The following ATAD2B variants were observed in gnomAD, a reference collection of about 807,000 sequenced individuals.
The protein encoded by ATAD2B is ATPase family AAA domain containing 2B.
ATAD2B carries 40 observed loss-of-function variants against 167.6 expected under a neutral mutation model. The observed-to-expected ratio is 0.24, with a 90% CI of 0.19 to 0.31. ATAD2B has a LOEUF of 0.31. Among genes scored for constraint, ATAD2B ranks in the 10% least tolerant of loss-of-function variants. ATAD2B has a pLI of 1.00. For synonymous variants in ATAD2B, 579 were observed against 596.5 expected, an observed-to-expected ratio of 0.97 and a Z score of 0.43; for missense variants, 1,242 against 1,757.2, an observed-to-expected ratio of 0.71 and a Z score of 5.24.
the ATAD2B span, among the ~76,000 whole-genome samples, chr2:23,679,759 C>CCT: frequency 6.6e-6 from 1 of 152,162 alleles, no homozygotes; most frequent in Non-Finnish European, 1.5e-5. Flanking sequence ...GTTCTGCCAG[C>CCT]CTCCGGAGGA....
the ATAD2B span, among the ~76,000 whole-genome samples, chr2:23,706,080 TTC>T: frequency 6.0e-3 from 920 of 152,308 alleles, 6 homozygotes; most frequent in African/African-American, 0.021. Flanking sequence ...CTCCTTATTA[TTC>T]TCTCTCGTCA....
rs767030072 is a variant in ATAD2B, at chr2:23,765,621, T to A, written c.3141A>T (p.Ile1047=). ...TCAGGGTACAAGCCCTGTGCCTAATTATTTTATCTGTTAAAAAAGTTGGTA... is the reference window on the plus strand; with the variant it reads ...TCAGGGTACAAGCCCTGTGCCTAATAATTTTATCTGTTAAAAAAGTTGGTA... ...YNPDKDPGDK[I]IRHRACTLKD... The change falls in exon 23 of 28, where the codon ATA becomes ATT. Residue 1047 remains isoleucine, a synonymous_variant. Transcript: ENST00000238789. 7.1e-7 allele frequency: 1 copy of A among 1,403,484 alleles called. No homozygotes were observed. The highest frequency in any genetic ancestry group is 2.7e-5 in the Admixed American group (1 of 36,590). The allele number at this position is 1,403,484 out of a possible 1,614,324, so 86.9% of individuals were successfully genotyped here. A position where few individuals can be genotyped will look rare whatever the true frequency, so the allele number is the denominator to read the frequency against.
chr2:23,877,968 C>G (rs1410879543), intron 7 of ATAD2B, among the ~76,000 whole-genome samples: 1 of 131,784 alleles, frequency 7.6e-6, no homozygotes, highest in East Asian at 2.3e-4. Flanking sequence ...TGCAGTGAGC[C>G]ATGTTCGCAC....
chr2:23,718,063 C>T, the ATAD2B span, among the ~76,000 whole-genome samples: 1 of 152,162 alleles, frequency 6.6e-6, no homozygotes, highest in Non-Finnish European at 1.5e-5. Context: ...GTATATTCTA[C>T]TGCATCTTTC....
the ATAD2B span, chr2:23,691,827 C>T: frequency 6.4e-7 from 1 of 1,551,572 alleles, no homozygotes; most frequent in Non-Finnish European, 8.7e-7. Context: ...TGGAGGCGGC[C>T]AGCAAGTTCC....
rs114006888 is a variant in ATAD2B at position 23,840,447 on chromosome 2, A to G, written c.1569-6369T>C. Reference sequence around the variant, plus strand: ...ACTTTTGGCCTTCTTGATTTCTACTATATCTTTGTTTTCCGTTCACATATT... The same window carrying G: ...ACTTTTGGCCTTCTTGATTTCTACTGTATCTTTGTTTTCCGTTCACATATT... On this transcript the variant is annotated intron_variant, in intron 13 of 27. Transcript: ENST00000238789. 8.3e-3 allele frequency among the ~76,000 whole-genome samples: 1,267 copies of G among 152,174 alleles called. 7 individuals carry two copies. The highest frequency in any genetic ancestry group is 0.014 in the Middle Eastern group (4 of 294).
intron 7 of ATAD2B, among the ~76,000 whole-genome samples, chr2:23,878,375 T>C (rs930085802): frequency 6.7e-6 from 1 of 148,984 alleles, no homozygotes; most frequent in Non-Finnish European, 1.5e-5. Flanking sequence ...AATGAATAAA[T>C]AGGCCAGGTG....
At chr2:23,845,486 T>C (rs1360282015) in intron 13 of ATAD2B, among the ~76,000 whole-genome samples, 1 of 151,154 alleles carries the variant, frequency 6.6e-6, no homozygotes, top group East Asian at 1.9e-4. Flanking sequence ...ACAAAATGTC[T>C]AGAAAAGGCC....
rs532986933 is a variant in ATAD2B at position 23,866,716 on chromosome 2, T to C, written c.1188+1119A>G. On this transcript the variant is annotated intron_variant, in intron 10 of 27. Transcript: ENST00000238789. ...TAAATAAGATAAGCATTTTCCTCTA[T>C]GACTTCAGATTAGAGATAGTTAAAA... Among the ~76,000 whole-genome samples, 17 of 152,328 alleles carry C rather than the reference T, an allele frequency of 1.1e-4. No individual in the cohort carries two copies. The South Asian group carries it at 3.1e-3, about 28-fold the overall frequency.
At chr2:23,817,824 A>C (rs745340910) in intron 17 of ATAD2B, among the ~76,000 whole-genome samples, 32 of 152,284 alleles carry the variant, frequency 2.1e-4, no homozygotes, top group Non-Finnish European at 4.7e-4. Flanking sequence ...GCTAAAATTA[A>C]ACCAATTCTT....
chr2:23,819,945 A>G (rs1687200513), intron 16 of ATAD2B, 63 bp from the exon 17 acceptor site: 3 of 1,201,420 alleles, frequency 2.5e-6, no homozygotes, highest in Admixed American at 2.8e-5. Context: ...GTGCCCTACC[A>G]AAGCTAAGAA....
chr2:23,856,977 C>T (rs1693523283), intron 13 of ATAD2B, among the ~76,000 whole-genome samples: 1 of 151,286 alleles, frequency 6.6e-6, no homozygotes, highest in Admixed American at 6.6e-5. Flanking sequence ...GGGAGGCTGA[C>T]TGGGGAGGAT....
the ATAD2B span, among the ~76,000 whole-genome samples, chr2:23,692,740 C>T: frequency 6.6e-6 from 1 of 152,136 alleles, no homozygotes; most frequent in Non-Finnish European, 1.5e-5. Flanking sequence ...CACCCCAGAC[C>T]TAGCCACTAA....
intron 1 of ATAD2B, among the ~76,000 whole-genome samples, chr2:23,903,133 G>C (rs1321096539): frequency 6.6e-6 from 1 of 151,994 alleles, no homozygotes; most frequent in Non-Finnish European, 1.5e-5. Context: ...CTACTTGGGA[G>C]GCTGAAGTGG....
chr2:23,835,873 T>C lies in ATAD2B; in HGVS notation c.1569-1795A>G, dbSNP rs563782660. On this transcript the variant is annotated intron_variant, in intron 13 of 27. Coordinates refer to ENST00000238789, the MANE Select transcript of ATAD2B (RefSeq NM_017552.4). ...ATCACTTGAATCCAGGAGGTGGAGG[T>C]TGCAGTGAGCTGAAGTCGCACCATT... 7.3e-5 allele frequency among the ~76,000 whole-genome samples: 11 copies of C among 151,466 alleles called. No homozygotes were observed. In the South Asian group the frequency reaches 2.3e-3, roughly 32 times the overall value.
chr2:23,908,367 C>A (rs1334908440), intron 1 of ATAD2B, among the ~76,000 whole-genome samples: 3 of 152,170 alleles, frequency 2.0e-5, no homozygotes, highest in African/African-American at 7.2e-5. Context: ...ATTTATGCAG[C>A]CAAAAAACAC....
intron 2 of ATAD2B, among the ~76,000 whole-genome samples, chr2:23,894,736 G>A (rs894145139): frequency 4.6e-5 from 7 of 152,130 alleles, no homozygotes; most frequent in African/African-American, 1.7e-4. Flanking sequence ...CAGTACTAAA[G>A]TAACATCATC....
the ATAD2B span, chr2:23,696,607 G>A: frequency 9.8e-7 from 1 of 1,017,480 alleles, no homozygotes; most frequent in Non-Finnish European, 1.4e-6. This position sits in a 1 kb window ranked among gnomAD's most constrained non-coding sequence, Gnocchi z 5.5. Flanking sequence ...CCACTCAGTG[G>A]CGATGGAGCA....
chr2:23,777,429 T>C (rs1225832317), intron 22 of ATAD2B, among the ~76,000 whole-genome samples: 1 of 151,644 alleles, frequency 6.6e-6, no homozygotes, highest in Non-Finnish European at 1.5e-5. Context: ...GTCATCTTTG[T>C]AGTCTAGGCA....
Sources: gnomAD v4.1 joint callset for allele counts (sites outside exome capture counted in the v4.1 genomes callset) on GRCh38, gnomAD v4.1.1 for gene constraint, Gnocchi (gnomAD v3.1) non-coding constraint, MANE v1.5 for transcripts, NCBI Gene and HGNC (gene_info 2026-07-23, HGNC 2026-07-21) for gene names.